The following MGAM variants were observed in gnomAD, a reference collection of about 807,000 sequenced individuals.
MGAM encodes the protein alpha-1,4-glucosidase.
MGAM carries 253 observed loss-of-function variants against 358.8 expected under a neutral mutation model. That is an observed-to-expected ratio of 0.71 (90% CI 0.64 to 0.78). The LOEUF (loss-of-function observed/expected upper bound fraction) is 0.78. MGAM is among the 30% of genes least tolerant of loss of function. The pLI is 0.00. For synonymous variants in MGAM, 1,105 were observed against 1,227.1 expected (o/e 0.90, Z 2.08); for missense variants, 3,080 against 3,432.6 (o/e 0.90, Z 2.57).
chr7:142,027,143 C>G lies in MGAM; in HGVS notation c.1011C>G (p.Ile337Met). 6.2e-7 allele frequency: 1 copy of G among 1,613,598 alleles called. No individual in the cohort carries two copies. Among genetic ancestry groups the G allele is most frequent in the South Asian group, 1.1e-5 (1 of 91,070 alleles). The change falls in exon 9 of 71, where the codon ATC (isoleucine) becomes ATG (methionine). Residue 337 changes from isoleucine (I) to methionine (M), a missense_variant. Coordinates refer to ENST00000475668, the MANE Select transcript of MGAM (RefSeq NM_001365693.1). ...TTGTCCTTCAGCCTGCGCCAGCCAT[C>G]ACTTACCGCACCATTGGGGGCATTC... ...MEVVLQPAPAITYRTIGGILD... is the reference protein window; with the variant it reads ...MEVVLQPAPAMTYRTIGGILD...
Position 142,018,113 on chromosome 7 carries a change from G to A in MGAM, c.328-1086G>A, listed in dbSNP as rs555522514. Among the ~76,000 whole-genome samples, 23 of 152,332 alleles carry A rather than the reference G, an allele frequency of 1.5e-4. No homozygotes were observed. The South Asian group carries it at 4.6e-3, about 30-fold the overall frequency. On this transcript the variant is annotated intron_variant, in intron 3 of 70. Transcript: ENST00000475668. Reference sequence around the variant, plus strand: ...TGACAAATATTTTCTCACAGCTTCTGTAGTCAGACATCTGACCTTGGCTTA... The same window carrying A: ...TGACAAATATTTTCTCACAGCTTCTATAGTCAGACATCTGACCTTGGCTTA...
At chr7:142,026,389 T>C (rs146082931) in intron 8 of MGAM, among the ~76,000 whole-genome samples, 60 of 152,264 alleles carry the variant, frequency 3.9e-4, no homozygotes, top group African/African-American at 1.4e-3. Context: ...GGCTGCAAAT[T>C]AAACTGGCAA....
rs759861637 is a variant in MGAM, at chr7:142,062,551, A to G, written c.4123-17A>G. ...TATATTTGTGTGGGACAAAGAAATT[A>G]TATTTCTTTTTTATAGCTATATCGA... On this transcript the variant is annotated splice_polypyrimidine_tract_variant and intron_variant, in intron 34 of 70. Coordinates refer to ENST00000475668, the MANE Select transcript of MGAM (RefSeq NM_001365693.1). The G allele has an allele frequency of 1.3e-6, 2 of 1,526,400 alleles. No homozygotes were observed. The highest frequency in any genetic ancestry group is 1.3e-5 in the South Asian group (1 of 76,582). 94.6% of individuals were successfully genotyped at this position (1,526,400 alleles called of 1,614,324 possible).
intron 18 of MGAM, among the ~76,000 whole-genome samples, chr7:142,038,019 T>G (rs1371471457): frequency 6.6e-6 from 1 of 152,138 alleles, no homozygotes; most frequent in African/African-American, 2.4e-5. Context: ...TTTTTTTTTG[T>G]ATCTGTTAAC....
chr7:142,076,137 G>C (rs574737725), intron 45 of MGAM, 66 bp from the exon 46 acceptor site: 5 of 1,202,390 alleles, frequency 4.2e-6, no homozygotes, highest in Non-Finnish European at 6.1e-6. Context: ...AAAAGAGTGG[G>C]AGTGTGAAAT....
intron 14 of MGAM, among the ~76,000 whole-genome samples, chr7:142,033,463 G>T (rs1554464571): frequency 6.6e-6 from 1 of 152,126 alleles, no homozygotes; most frequent in African/African-American, 2.4e-5. Flanking sequence ...TTTGAAGAAT[G>T]CTAGAGGTTC....
chr7:142,020,999 G>A lies in MGAM; in HGVS notation c.474G>A (p.Leu158=), dbSNP rs781835270. ...NAGFTARLKN[L]PSSPVFGSNV... Reference sequence around the variant, plus strand: ...GATTCACAGCCCGGTTGAAAAATCTGCCTTCTTCACCAGTGTTTGGAAGCA... The same window carrying A: ...GATTCACAGCCCGGTTGAAAAATCTACCTTCTTCACCAGTGTTTGGAAGCA... The change falls in exon 5 of 71, where the codon CTG becomes CTA. Residue 158 remains leucine (L), a synonymous_variant. Coordinates refer to ENST00000475668, the MANE Select transcript of MGAM (RefSeq NM_001365693.1). 2.5e-6 allele frequency: 4 copies of A among 1,613,174 alleles called. No individual in the cohort carries two copies. Among genetic ancestry groups the A allele is most frequent in the African/African-American group, 1.3e-5 (1 of 74,942 alleles).
chr7:142,087,059 C>T (rs150967297), intron 57 of MGAM, among the ~76,000 whole-genome samples: 4,433 of 105,020 alleles, frequency 0.042, 345 homozygotes, highest in South Asian at 0.12. Context: ...CTAGCAGTGC[C>T]ATCTTTTCTC....
intron 30 of MGAM, among the ~76,000 whole-genome samples, chr7:142,057,807 C>G (rs550109914): frequency 1.3e-5 from 2 of 152,242 alleles, no homozygotes; most frequent in East Asian, 3.9e-4. Context: ...GAAACACTAT[C>G]AGGCAGATGC....
At chr7:142,065,020 T>C (rs1356377396) in intron 37 of MGAM, among the ~76,000 whole-genome samples, 1 of 152,210 alleles carries the variant, frequency 6.6e-6, no homozygotes, top group African/African-American at 2.4e-5. Context: ...CTTATAACCT[T>C]CACTGTGTTC....
intron 3 of MGAM, among the ~76,000 whole-genome samples, chr7:142,014,923 T>C (rs782557009): frequency 6.6e-6 from 1 of 152,102 alleles, no homozygotes; most frequent in African/African-American, 2.4e-5. Flanking sequence ...AGTCCCATTC[T>C]GAATATTTTT....
chr7:142,074,079 C>A lies in MGAM; in HGVS notation c.5187-6C>A. On this transcript the variant is annotated splice_polypyrimidine_tract_variant and splice_region_variant and intron_variant, in intron 44 of 70. Coordinates refer to ENST00000475668, the MANE Select transcript of MGAM (RefSeq NM_001365693.1). ...GTCTTTGTCTCTTGAATCTTGTTCC[C>A]CACAGTCGAAAGAACCCTCTTGGTC... 1 of 1,523,604 alleles carries A rather than the reference C, an allele frequency of 6.6e-7. No individual in the cohort carries two copies. The highest frequency in any genetic ancestry group is 9.0e-7 in the Non-Finnish European group (1 of 1,107,146). The allele number at this position is 1,523,604 out of a possible 1,614,324, so 94.4% of individuals were successfully genotyped here.
At position 142,018,252 on chromosome 7, in the gene MGAM, T is replaced by C. The variant is rs767936408; in HGVS notation, c.328-947T>C. On this transcript the variant is annotated intron_variant, in intron 3 of 70. Coordinates refer to ENST00000475668, the MANE Select transcript of MGAM (RefSeq NM_001365693.1). ...TGCAATTGTTGGTAGGATTCAGCTC[T>C]TCAGGTGTTGTTGGATTGAGAGCCT... is the stretch of plus-strand genomic sequence containing the variant. Among the ~76,000 whole-genome samples, 7 of 152,142 alleles carry C rather than the reference T, an allele frequency of 4.6e-5. 1 individual carries two copies. The highest frequency in any genetic ancestry group is 8.8e-5 in the Non-Finnish European group (6 of 68,024).
Position 142,044,623 on chromosome 7 carries a change from A to G in MGAM, c.2499-3162A>G, listed in dbSNP as rs1374318790. Among the ~76,000 whole-genome samples, 16 of 87,804 alleles carry G rather than the reference A, an allele frequency of 1.8e-4. 1 individual carries two copies. The highest frequency in any genetic ancestry group is 4.1e-4 in the African/African-American group (12 of 29,182). The allele number at this position is 87,804 out of a possible 152,430, so 57.6% of individuals were successfully genotyped here. On this transcript the variant is annotated intron_variant, in intron 21 of 70. Coordinates refer to ENST00000475668, the MANE Select transcript of MGAM (RefSeq NM_001365693.1). Reference sequence around the variant, plus strand: ...ACGTGTAATATATGATATATAATGTATATTATATACACGTGTAATATATGA... The same window carrying G: ...ACGTGTAATATATGATATATAATGTGTATTATATACACGTGTAATATATGA...
rs1319801669 is a variant in MGAM, at chr7:142,022,389, A to G, written c.832A>G (p.Met278Val). ...EHVHQQYRHD[M>V]NWKTWPIFNR... The stretch of plus-strand genomic sequence containing the variant: ...TGTGCACCAGCAGTATCGGCATGAT[A>G]TGAATTGGAAGACCTGGCCCATATT... Residue 278 changes from methionine to valine, a missense_variant, in exon 7 of 71, where the codon ATG becomes GTG. Met to Val is a conservative substitution (Grantham distance 21). This residue lies in a region of MGAM where 1,816 missense variants were observed against 1,840.5 expected (regional missense o/e 0.99). Coordinates refer to ENST00000475668, the MANE Select transcript of MGAM (RefSeq NM_001365693.1). 1.9e-6 allele frequency: 3 copies of G among 1,613,660 alleles called. No individual in the cohort carries two copies. Among genetic ancestry groups the G allele is most frequent in the Non-Finnish European group, 2.5e-6 (3 of 1,179,732 alleles).
intron 57 of MGAM, among the ~76,000 whole-genome samples, chr7:142,089,902 G>A (rs2129057805): frequency 6.8e-6 from 1 of 146,638 alleles, no homozygotes; most frequent in East Asian, 2.0e-4. Flanking sequence ...AGCTGGTGAG[G>A]ATGAAGCCAC....
chr7:142,055,976 C>T (rs1285855293), intron 28 of MGAM, 24 bp from the exon 29 acceptor site: 3 of 1,592,368 alleles, frequency 1.9e-6, no homozygotes, highest in East Asian at 4.5e-5. Context: ...TAAACTCCTA[C>T]TGCTTCTTCC....
intron 2 of MGAM, among the ~76,000 whole-genome samples, chr7:141,989,117 T>C (rs1554446796): frequency 1.3e-5 from 2 of 151,498 alleles, no homozygotes; most frequent in African/African-American, 4.9e-5. Context: ...TGTATGAGTA[T>C]GTGAGAGAAA....
At chr7:141,998,403 C>T (rs1360563656) in intron 1 of MGAM, among the ~76,000 whole-genome samples, 1 of 152,112 alleles carries the variant, frequency 6.6e-6, no homozygotes, top group African/African-American at 2.4e-5. Context: ...CTCTCCCTCC[C>T]CTAGCCCGCC....
Sources: gnomAD v4.1 joint callset for allele counts (sites outside exome capture counted in the v4.1 genomes callset) on GRCh38, gnomAD v4.1.1 for gene constraint, gnomAD v4.1.1 regional missense constraint, MANE v1.5 for transcripts, NCBI Gene and HGNC (gene_info 2026-07-23, HGNC 2026-07-21) for gene names.